MTERF4: variants seen among roughly 807,000 people sequenced by gnomAD.
MTERF4 encodes the protein mitochondrial transcription termination factor 4, also known as transcription termination factor 4, mitochondrial.
A neutral mutation model predicts 22.5 loss-of-function variants in MTERF4; 17 were observed. The ratio of observed to expected loss-of-function variants is 0.75; its 90% CI spans 0.52 to 1.13. The LOEUF is 1.13. Among genes scored for constraint, MTERF4 ranks in the 50% most tolerant of loss-of-function variants. MTERF4 has a pLI of 0.00. For missense variants in MTERF4, 420 were observed against 466.8 expected, an observed-to-expected ratio of 0.90 and a Z score of 0.92; for synonymous variants, 165 against 175.3, an observed-to-expected ratio of 0.94 and a Z score of 0.47.
the MTERF4 span, chr2:241,050,052 C>A: frequency 1.3e-6 from 1 of 772,864 alleles, no homozygotes; most frequent in Non-Finnish European, 2.3e-6. Flanking sequence ...TCGTCTAGAG[C>A]CTTGCCTGAT....
the MTERF4 span, among the ~76,000 whole-genome samples, chr2:241,057,016 C>T: frequency 1.3e-5 from 2 of 152,120 alleles, no homozygotes; most frequent in East Asian, 1.9e-4. Context: ...AATAATTGGA[C>T]ATTTTCTAAA....
At chr2:241,089,873 GTGT>G, downstream of MTERF4, 1 of 1,481,750 alleles carries the variant, frequency 6.7e-7, no homozygotes, top group Non-Finnish European at 9.0e-7. Context: ...ACACCACAGC[GTGT>G]TACTGAATAC....
chr2:241,064,559 G>T, the MTERF4 span, among the ~76,000 whole-genome samples: 2 of 152,186 alleles, frequency 1.3e-5, no homozygotes, highest in African/African-American at 4.8e-5. The surrounding 1 kb of genome is among the most constrained non-coding windows in gnomAD (Gnocchi z 7.0). Context: ...CCCTCCTCAA[G>T]CAGGACTGTC....
downstream of MTERF4, chr2:241,091,516 G>GCGGGGTCCTCCCCGTGTGCACTGCCATA (rs1559325894): frequency 6.6e-6 from 1 of 150,614 alleles, no homozygotes; most frequent in Non-Finnish European, 1.5e-5. The surrounding 1 kb of genome is among the most constrained non-coding windows in gnomAD (Gnocchi z 4.1). Context: ...CTCTAAGAAC[G>GCGGGGTCCTCCCCGTGTGCACTGCCATA]TGGGGTCCTC....
intron 4 of MTERF4, chr2:241,081,680 T>A (rs1450654740): frequency 1.3e-6 from 2 of 1,599,154 alleles, no homozygotes; most frequent in Non-Finnish European, 1.7e-6. Flanking sequence ...TTTCCAGACG[T>A]CCCTGGCAAC....
the MTERF4 span, among the ~76,000 whole-genome samples, chr2:241,066,940 A>G: frequency 6.6e-6 from 1 of 152,210 alleles, no homozygotes; most frequent in South Asian, 2.1e-4. Flanking sequence ...AAGGACACAG[A>G]GCACACCTCG....
chr2:241,070,092 G>C, downstream of MTERF4: 1 of 1,613,048 alleles, frequency 6.2e-7, no homozygotes, highest in Non-Finnish European at 8.5e-7. Context: ...CGTCCTACAC[G>C]GTGCGCGACC....
the MTERF4 span, among the ~76,000 whole-genome samples, chr2:241,066,482 G>C: frequency 1.3e-5 from 2 of 152,228 alleles, no homozygotes; most frequent in African/African-American, 2.4e-5. Context: ...GGAACCAAGT[G>C]GGGTGCAGGG....
At chr2:241,071,926 TCACTGC>T (rs1371413426), downstream of MTERF4, 1 of 1,409,864 alleles carries the variant, frequency 7.1e-7, no homozygotes, top group Admixed American at 2.0e-5. Flanking sequence ...ACCCTCGTCC[TCACTGC>T]CACTCTCACC....
chr2:241,065,154 C>T, the MTERF4 span: 38,536 of 883,778 alleles, frequency 0.044, 3,799 homozygotes, highest in African/African-American at 0.23. Context: ...CCTGGAGGTA[C>T]GTGGCCAGGG....
the MTERF4 span, chr2:241,065,059 C>A: frequency 2.1e-6 from 2 of 961,306 alleles, no homozygotes; most frequent in Non-Finnish European, 1.5e-6. Context: ...CGCTGCTTGC[C>A]CAGGCCCCTT....
chr2:241,045,967 C>T, the MTERF4 span, among the ~76,000 whole-genome samples: 2 of 151,996 alleles, frequency 1.3e-5, no homozygotes, highest in Non-Finnish European at 2.9e-5. Flanking sequence ...TGTGAGAAAA[C>T]AAACAACCCA....
the MTERF4 span, among the ~76,000 whole-genome samples, chr2:241,059,155 GA>G: frequency 2.6e-5 from 4 of 152,118 alleles, no homozygotes; most frequent in Non-Finnish European, 1.5e-5. Flanking sequence ...CAACTTAGGG[GA>G]AATGGATACC....
At chr2:241,046,886 T>C in the MTERF4 span, among the ~76,000 whole-genome samples, 4 of 152,202 alleles carry the variant, frequency 2.6e-5, no homozygotes, top group East Asian at 7.7e-4. Context: ...GGCTCACCCC[T>C]GTAATCCCAG....
intron 2 of MTERF4, among the ~76,000 whole-genome samples, chr2:241,097,739 T>C (rs1386314281): frequency 3.3e-5 from 5 of 152,224 alleles, no homozygotes; most frequent in South Asian, 2.1e-4. Context: ...TGGAAAAGAA[T>C]TTCCCAGGCA....
downstream of MTERF4, chr2:241,087,178 G>T (rs2063625855): frequency 1.8e-6 from 1 of 543,316 alleles, no homozygotes; most frequent in Non-Finnish European, 3.3e-6. Flanking sequence ...TTTATTTTAT[G>T]CATATTACTG....
the MTERF4 span, among the ~76,000 whole-genome samples, chr2:241,056,186 ATGAT>A: frequency 6.6e-6 from 1 of 152,246 alleles, no homozygotes; most frequent in Non-Finnish European, 1.5e-5. Flanking sequence ...GAGAGGCAGA[ATGAT>A]TGAGAGAATA....
At chr2:241,101,512 C>T (rs1048031145) in intron 1 of MTERF4, among the ~76,000 whole-genome samples, 1 of 152,210 alleles carries the variant, frequency 6.6e-6, no homozygotes, top group Admixed American at 6.5e-5. Context: ...ACCTTCACAT[C>T]GGTCCCAACC....
At chr2:241,072,743 TAC>T (rs998361296) in exon 5 of MTERF4, 4 of 191,716 alleles carry the variant, frequency 2.1e-5, no homozygotes, top group African/African-American at 9.6e-5. Context: ...AGATCTGGAG[TAC>T]AGAGGGGGGC....
Sources: allele counts gnomAD v4.1 joint callset (sites outside exome capture counted in the v4.1 genomes callset), GRCh38; gene constraint gnomAD v4.1.1; non-coding constraint Gnocchi (gnomAD v3.1); transcripts MANE v1.5; gene names NCBI Gene and HGNC (gene_info 2026-07-23, HGNC 2026-07-21).